The following SH3GL3 variants were observed in gnomAD, a reference collection of about 807,000 sequenced individuals.
SH3GL3 encodes endophilin-A3.
In SH3GL3, 33 loss-of-function variants were observed where a neutral mutation model predicts 47.7. That is an observed-to-expected ratio of 0.69 (90% CI 0.52 to 0.92). The LOEUF (loss-of-function observed/expected upper bound fraction) is 0.92, where lower values mean the gene tolerates loss of function less well. SH3GL3 is among the 40% of genes least tolerant of loss of function. The probability of loss-of-function intolerance (pLI) is 0.00; values close to 1 mark genes in which losing one functional copy is unlikely to be tolerated. For synonymous variants in SH3GL3, 155 were observed against 148.8 expected, an observed-to-expected ratio of 1.04 and a Z score of -0.30; for missense variants, 363 against 417.8, an observed-to-expected ratio of 0.87 and a Z score of 1.14.
chr15:83,463,767 CTTTT>C (rs910419812), intron 1 of SH3GL3, among the ~76,000 whole-genome samples: 1 of 122,918 alleles, frequency 8.1e-6, no homozygotes, highest in Non-Finnish European at 1.7e-5. Flanking sequence ...TTCTTTCTTT[CTTTT>C]TTTTTTTTTT....
chr15:83,561,614 C>A (rs2045278117), intron 2 of SH3GL3, among the ~76,000 whole-genome samples: 1 of 152,014 alleles, frequency 6.6e-6, no homozygotes, highest in African/African-American at 2.4e-5. Flanking sequence ...AAGATCGAAA[C>A]AATGAAGCCA....
intron 8 of SH3GL3, among the ~76,000 whole-genome samples, chr15:83,594,403 C>G (rs1012479444): frequency 3.3e-5 from 5 of 152,186 alleles, no homozygotes; most frequent in Non-Finnish European, 7.3e-5. Flanking sequence ...GACGATAGCA[C>G]AGGGCATTCC....
chr15:83,521,796 G>T (rs942717002), intron 1 of SH3GL3, among the ~76,000 whole-genome samples: 1 of 152,146 alleles, frequency 6.6e-6, no homozygotes, highest in Admixed American at 6.6e-5. Flanking sequence ...GTGGCCCGTG[G>T]GTCAGTTGGG....
intron 8 of SH3GL3, among the ~76,000 whole-genome samples, chr15:83,608,491 G>C (rs577954637): frequency 6.6e-6 from 1 of 152,314 alleles, no homozygotes; most frequent in African/African-American, 2.4e-5. Flanking sequence ...GGGTCAGATA[G>C]AGAGAAAGTA....
chr15:83,581,895 C>T (rs886670803), intron 6 of SH3GL3, among the ~76,000 whole-genome samples: 3 of 152,146 alleles, frequency 2.0e-5, no homozygotes, highest in Admixed American at 6.5e-5. Flanking sequence ...TGAGCAGTGT[C>T]GTTATTCTAT....
At chr15:83,517,187 T>C (rs921001732) in intron 1 of SH3GL3, among the ~76,000 whole-genome samples, 3 of 146,670 alleles carry the variant, frequency 2.0e-5, no homozygotes, top group Non-Finnish European at 3.0e-5. Context: ...TTTCTTTCTT[T>C]TCTTTTTCTT....
Position 83,576,950 on chromosome 15 carries a change from C to T in SH3GL3, c.624+209C>T, listed in dbSNP as rs150262725. On this transcript the variant is annotated intron_variant, in intron 6 of 8. Coordinates refer to ENST00000427482, the MANE Select transcript of SH3GL3 (RefSeq NM_003027.5). ...TTTTTTTTTTTGAGACGCTGTCTCGCTCTGTCACCAGGCTGGAGTGCAGTG... is the reference window on the plus strand; with the variant it reads ...TTTTTTTTTTTGAGACGCTGTCTCGTTCTGTCACCAGGCTGGAGTGCAGTG... Among the ~76,000 whole-genome samples, 93 of 32,856 alleles carry T rather than the reference C, an allele frequency of 2.8e-3. 1 individual carries two copies. The highest frequency in any genetic ancestry group is 0.015 in the African/African-American group (88 of 6,030). 21.6% of individuals were successfully genotyped at this position (32,856 alleles called of 152,430 possible).
intron 8 of SH3GL3, among the ~76,000 whole-genome samples, chr15:83,608,331 C>T (rs935579422): frequency 3.3e-5 from 5 of 152,068 alleles, no homozygotes; most frequent in African/African-American, 1.2e-4. Context: ...GAAATCAGGA[C>T]CCAAAGATGA....
intron 8 of SH3GL3, among the ~76,000 whole-genome samples, chr15:83,604,439 G>A (rs2060465331): frequency 6.6e-6 from 1 of 152,096 alleles, no homozygotes; most frequent in African/African-American, 2.4e-5. Flanking sequence ...TGTAGAGAGT[G>A]TTAAGCCTTA....
At chr15:83,532,417 T>C (rs1027060805) in intron 1 of SH3GL3, among the ~76,000 whole-genome samples, 2 of 152,032 alleles carry the variant, frequency 1.3e-5, no homozygotes, top group African/African-American at 4.8e-5. Context: ...ATAAAGGTAA[T>C]TGAGAAGTGT....
chr15:83,607,840 AAATAAT>A (rs60113695), intron 8 of SH3GL3, among the ~76,000 whole-genome samples: 1,582 of 142,904 alleles, frequency 0.011, 9 homozygotes, highest in African/African-American at 0.019. Flanking sequence ...TCAGAGTGGC[AAATAAT>A]AATAATAATA....
intron 1 of SH3GL3, among the ~76,000 whole-genome samples, chr15:83,453,358 A>T: frequency 1.5e-5 from 1 of 66,720 alleles, no homozygotes. Flanking sequence ...TTTTCTATTG[A>T]TTGGAATAGT....
chr15:83,519,541 C>G (rs1312368746), intron 1 of SH3GL3, among the ~76,000 whole-genome samples: 2 of 152,154 alleles, frequency 1.3e-5, no homozygotes, highest in Non-Finnish European at 2.9e-5. Context: ...ACTGAAGTTG[C>G]TTATCAGTTC....
At chr15:83,586,684 T>A (rs2059963859) in intron 6 of SH3GL3, among the ~76,000 whole-genome samples, 1 of 152,232 alleles carries the variant, frequency 6.6e-6, no homozygotes, top group African/African-American at 2.4e-5. Context: ...ATCCATGAGC[T>A]TTATAGCATA....
At chr15:83,574,890 C>T (rs1165274016) in intron 5 of SH3GL3, among the ~76,000 whole-genome samples, 1 of 152,206 alleles carries the variant, frequency 6.6e-6, no homozygotes, top group African/African-American at 2.4e-5. Context: ...TTTGTTCTTT[C>T]GCTAGACTTC....
chr15:83,497,556 A>G lies in SH3GL3; in HGVS notation c.45+49978A>G, dbSNP rs151286452. 8.3e-4 allele frequency among the ~76,000 whole-genome samples: 127 copies of G among 152,234 alleles called. 1 individual carries two copies. Among genetic ancestry groups the G allele is most frequent in the African/African-American group, 2.9e-3 (120 of 41,532 alleles). On this transcript the variant is annotated intron_variant, in intron 1 of 8. Transcript: ENST00000427482. ...TTCATCCTCCTTTGTTCAGTCCCCT[A>G]AGGTCTGTGCAGGTTACAATTAAGC...
chr15:83,457,622 A>G (rs143935789), intron 1 of SH3GL3, among the ~76,000 whole-genome samples: 34 of 152,316 alleles, frequency 2.2e-4, no homozygotes, highest in African/African-American at 8.2e-4. Flanking sequence ...TCACTATCTC[A>G]TTAGAGAGAA....
chr15:83,539,153 G>A (rs1187667107), intron 1 of SH3GL3, among the ~76,000 whole-genome samples: 1 of 152,092 alleles, frequency 6.6e-6, no homozygotes, highest in Non-Finnish European at 1.5e-5. Flanking sequence ...TGGCCATTTG[G>A]ATTATTGTCT....
chr15:83,524,985 C>G (rs1322879979), intron 1 of SH3GL3, among the ~76,000 whole-genome samples: 1 of 152,102 alleles, frequency 6.6e-6, no homozygotes, highest in Non-Finnish European at 1.5e-5. Flanking sequence ...GCATGTATCT[C>G]TTTGATATAC....
Sources: gnomAD v4.1 joint callset for allele counts (sites outside exome capture counted in the v4.1 genomes callset) on GRCh38, gnomAD v4.1.1 for gene constraint, MANE v1.5 for transcripts, NCBI Gene and HGNC (gene_info 2026-07-23, HGNC 2026-07-21) for gene names.